JPH1: variants seen among roughly 807,000 people sequenced by gnomAD.
The protein encoded by JPH1 is junctophilin-1.
In JPH1, 12 loss-of-function variants were observed where a neutral mutation model predicts 53.6. The ratio of observed to expected loss-of-function variants is 0.22; its 90% CI spans 0.14 to 0.36. The LOEUF is 0.36. Among genes scored for constraint, JPH1 ranks in the 10% least tolerant of loss-of-function variants. The pLI, the probability that JPH1 is intolerant of heterozygous loss-of-function variation, is 1.00. For missense variants in JPH1, 808 were observed against 905.5 expected (o/e 0.89, Z 1.38); for synonymous variants, 375 against 363.8 (o/e 1.03, Z -0.35).
chr8:74,311,012 A>C (rs147086819), intron 2 of JPH1, among the ~76,000 whole-genome samples: 1 of 152,166 alleles, frequency 6.6e-6, no homozygotes, highest in East Asian at 1.9e-4. Context: ...GGGGGCCTTC[A>C]GTCTTCTCTA....
intron 2 of JPH1, among the ~76,000 whole-genome samples, chr8:74,302,817 G>T (rs1238355831): frequency 6.6e-6 from 1 of 152,150 alleles, no homozygotes; most frequent in Non-Finnish European, 1.5e-5. Flanking sequence ...GACAGGTTTT[G>T]TTTCTTATTC....
intron 4 of JPH1, 110 bp from the exon 5 acceptor site, chr8:74,237,413 A>C (rs1807033113): frequency 2.4e-6 from 2 of 828,442 alleles, no homozygotes; most frequent in South Asian, 1.7e-5. Context: ...GCAGTAAATA[A>C]GGCATAAAAG....
intron 3 of JPH1, among the ~76,000 whole-genome samples, chr8:74,246,463 G>A (rs1444565206): frequency 1.3e-5 from 2 of 152,220 alleles, no homozygotes; most frequent in South Asian, 4.1e-4. Flanking sequence ...TCCCATGGTG[G>A]TCTGAGTAAT....
chr8:74,314,952 T>G lies in JPH1; in HGVS notation c.1048A>C (p.Thr350Pro). Residue 350 changes from threonine (T) to proline (P), a missense_variant, in exon 2 of 6, where the codon ACA becomes CCA. Around this residue, in one of 2 missense-constraint regions of JPH1, gnomAD observed 756 missense variants for 811.9 expected, o/e 0.93. Coordinates refer to ENST00000342232, the MANE Select transcript of JPH1 (RefSeq NM_020647.4). ...CTGTCCACCTTCTCCCTAGTTTTTG[T>G]ATGTCTTATTGGTATAAGCTGCTTC... ...IRKQLIPIRH[T>P]KTREKVDRAI... is the part of the protein sequence containing the mutation. 1.2e-6 allele frequency: 2 copies of G among 1,614,264 alleles called. No homozygotes were observed. The highest frequency in any genetic ancestry group is 1.7e-6 in the Non-Finnish European group (2 of 1,180,052).
chr8:74,300,046 C>G (rs1021029587), intron 2 of JPH1, among the ~76,000 whole-genome samples: 14 of 152,190 alleles, frequency 9.2e-5, no homozygotes, highest in African/African-American at 3.1e-4. Flanking sequence ...ATCACATTTT[C>G]ATAGTTCCAA....
intron 3 of JPH1, among the ~76,000 whole-genome samples, chr8:74,256,413 G>A (rs1271618778): frequency 6.6e-6 from 1 of 151,606 alleles, no homozygotes; most frequent in Non-Finnish European, 1.5e-5. Flanking sequence ...GAAGGGGGAG[G>A]GATAGCATTA....
chr8:74,299,060 G>T (rs539683345), intron 2 of JPH1, among the ~76,000 whole-genome samples: 5 of 152,202 alleles, frequency 3.3e-5, no homozygotes, highest in African/African-American at 9.6e-5. Flanking sequence ...CCTTTGAGGG[G>T]GTTTTTTTCT....
rs1249384156 is a variant in JPH1, at chr8:74,321,011, G to T, written c.277C>A (p.Arg93Ser). 3.1e-6 allele frequency: 5 copies of T among 1,612,624 alleles called. No individual in the cohort carries two copies. The highest frequency in any genetic ancestry group is 4.2e-6 in the Non-Finnish European group (5 of 1,179,418). The change falls in exon 1 of 6, where the codon CGC becomes AGC. Residue 93 changes from arginine (R) to serine (S), a missense_variant. Around this residue, in one of 2 missense-constraint regions of JPH1, gnomAD observed 756 missense variants for 811.9 expected, o/e 0.93. Transcript: ENST00000342232. This position sits in a 1 kb window ranked among gnomAD's most constrained non-coding sequence, Gnocchi z 4.3. Reference sequence around the variant, plus strand: ...CACAGGCTCTGCCGGACCCCGTAGCGCCCCTTGAAACCATGTGACCACTCC... The same window carrying T: ...CACAGGCTCTGCCGGACCCCGTAGCTCCCCTTGAAACCATGTGACCACTCC... ...RGEWSHGFKG[R>S]YGVRQSLCTP...
In JPH1 at chr8:74,311,136, G is replaced by C. The variant is rs537826745; in HGVS notation, c.1139+3725C>G. Reference sequence around the variant, plus strand: ...AGACAGGGTCTCACTATGTTGCTGAGAATAGTGATTTACACTACCTGGGTG... The same window carrying C: ...AGACAGGGTCTCACTATGTTGCTGACAATAGTGATTTACACTACCTGGGTG... On this transcript the variant is annotated intron_variant, in intron 2 of 5. Transcript: ENST00000342232. Among the ~76,000 whole-genome samples the C allele has an allele frequency of 2.6e-5, 4 of 152,292 alleles. No homozygotes were observed. The East Asian group carries it at 7.7e-4, about 29-fold the overall frequency.
At chr8:74,295,614 C>T (rs1233108462) in intron 2 of JPH1, among the ~76,000 whole-genome samples, 1 of 152,154 alleles carries the variant, frequency 6.6e-6, no homozygotes, top group Non-Finnish European at 1.5e-5. Flanking sequence ...TAAGGCTTAA[C>T]AGATCTCATA....
At chr8:74,281,816 T>C (rs1807024321) in intron 2 of JPH1, among the ~76,000 whole-genome samples, 1 of 152,170 alleles carries the variant, frequency 6.6e-6, no homozygotes, top group African/African-American at 2.4e-5. Context: ...CCTGCCCTTT[T>C]CTTACAATCA....
At chr8:74,261,248 T>G (rs1806387467) in intron 2 of JPH1, among the ~76,000 whole-genome samples, 2 of 152,322 alleles carry the variant, frequency 1.3e-5, no homozygotes, top group South Asian at 4.1e-4. Flanking sequence ...CTATGGACTT[T>G]AATACTAATA....
At chr8:74,285,548 T>C (rs1171497413) in intron 2 of JPH1, among the ~76,000 whole-genome samples, 2 of 152,152 alleles carry the variant, frequency 1.3e-5, no homozygotes, top group Non-Finnish European at 2.9e-5. Flanking sequence ...TATTTCCTTT[T>C]TATAAATTTA....
At chr8:74,247,267 A>C (rs1416740405) in intron 3 of JPH1, among the ~76,000 whole-genome samples, 1 of 152,058 alleles carries the variant, frequency 6.6e-6, no homozygotes, top group Non-Finnish European at 1.5e-5. Context: ...CCAAAATTTC[A>C]CTATGGTTGG....
At chr8:74,286,771 T>C (rs1807176287) in intron 2 of JPH1, among the ~76,000 whole-genome samples, 1 of 152,266 alleles carries the variant, frequency 6.6e-6, no homozygotes, top group Admixed American at 6.5e-5. Context: ...TTAAAATTTT[T>C]ACTTGGTACA....
chr8:74,236,020 G>A lies in JPH1; in HGVS notation c.*1031C>T, dbSNP rs371132576. On this transcript the variant is annotated 3_prime_UTR_variant, in exon 6 of 6. Transcript: ENST00000342232. ...TTTGGTTGTAAAGTACGTCAGCAAA[G>A]AAACTGAATCCTTTAAACACTGATT... The A allele has an allele frequency of 3.3e-5, 5 of 152,286 alleles. No homozygotes were observed. The East Asian group carries it at 9.6e-4, about 29-fold the overall frequency. The allele number at this position is 152,286 out of a possible 1,614,324, so 9.4% of individuals were successfully genotyped here. A position where few individuals can be genotyped will look rare whatever the true frequency, so the allele number is the denominator to read the frequency against.
At chr8:74,263,328 T>C (rs1167433287) in intron 2 of JPH1, among the ~76,000 whole-genome samples, 1 of 152,250 alleles carries the variant, frequency 6.6e-6, no homozygotes, top group Non-Finnish European at 1.5e-5. Flanking sequence ...CTGTGACATA[T>C]TAAGTGTAAG....
chr8:74,312,377 A>G (rs1364650127), intron 2 of JPH1, among the ~76,000 whole-genome samples: 2 of 152,036 alleles, frequency 1.3e-5, no homozygotes, highest in African/African-American at 4.8e-5. Flanking sequence ...TCAGTCTCCC[A>G]AGTAACTAGG....
intron 2 of JPH1, among the ~76,000 whole-genome samples, chr8:74,259,967 A>G (rs1481919284): frequency 6.6e-6 from 1 of 152,246 alleles, no homozygotes; most frequent in South Asian, 2.1e-4. Flanking sequence ...CTTTGAAGAA[A>G]AAAATTAGTG....
Sources: gnomAD v4.1 joint callset for allele counts (sites outside exome capture counted in the v4.1 genomes callset) on GRCh38, gnomAD v4.1.1 for gene constraint, gnomAD v4.1.1 regional missense constraint, Gnocchi (gnomAD v3.1) non-coding constraint, MANE v1.5 for transcripts, NCBI Gene and HGNC (gene_info 2026-07-23, HGNC 2026-07-21) for gene names.